Variants in SLC25A21 observed in about 807,000 individuals in gnomAD.
SLC25A21 encodes the protein mitochondrial 2-oxodicarboxylate carrier.
In SLC25A21, 47 loss-of-function variants were observed where a neutral mutation model predicts 43.8. The ratio of observed to expected loss-of-function variants is 1.07; its 90% confidence interval spans 0.85 to 1.37. The LOEUF is 1.37. SLC25A21 is among the 40% of genes most tolerant of loss of function. SLC25A21 has a pLI of 0.00. For synonymous variants in SLC25A21, 131 were observed against 121.3 expected (o/e 1.08, Z -0.52); for missense variants, 352 against 350.2 (o/e 1.00, Z -0.04).
chr14:36,886,103 C>G (rs1219733609), intron 1 of SLC25A21, among the ~76,000 whole-genome samples: 1 of 152,172 alleles, frequency 6.6e-6, no homozygotes, highest in Non-Finnish European at 1.5e-5. Flanking sequence ...ACAGACAGAA[C>G]TGATATATTT....
chr14:37,155,747 G>C (rs7142924), intron 1 of SLC25A21, among the ~76,000 whole-genome samples: 58,532 of 152,000 alleles, frequency 0.39, 12,262 homozygotes, highest in African/African-American at 0.56. Context: ...GAGAAATAAA[G>C]GCATTCCCAG....
chr14:36,951,235 C>CAAA (rs34543759), intron 1 of SLC25A21, among the ~76,000 whole-genome samples: 1 of 131,690 alleles, frequency 7.6e-6, no homozygotes, highest in Non-Finnish European at 1.6e-5. Flanking sequence ...ACTGCCATTA[C>CAAA]AAAAAAAAAA....
At chr14:36,794,503 C>T (rs1392947604) in intron 3 of SLC25A21, among the ~76,000 whole-genome samples, 1 of 152,150 alleles carries the variant, frequency 6.6e-6, no homozygotes. Context: ...AGTGGTGGCT[C>T]ATGCCTGTAA....
chr14:37,126,496 T>C (rs749890711), intron 1 of SLC25A21, among the ~76,000 whole-genome samples: 8 of 151,746 alleles, frequency 5.3e-5, no homozygotes, highest in Non-Finnish European at 7.4e-5. Context: ...TAGATAAACA[T>C]TGCAACTGTA....
chr14:36,914,556 A>C (rs910579819), intron 1 of SLC25A21, among the ~76,000 whole-genome samples: 5 of 152,184 alleles, frequency 3.3e-5, no homozygotes, highest in Admixed American at 2.6e-4. Context: ...TTTAAGACCA[A>C]CTTCTGTGTT....
chr14:37,009,995 G>A lies in SLC25A21; in HGVS notation c.71-134991C>T, dbSNP rs187270129. ...TATGCAAGTGTGTGAACAGAATGGT[G>A]GGAAGAACGTTTAGAGTCAGAATAT... On this transcript the variant is annotated intron_variant, in intron 1 of 9. Coordinates refer to ENST00000331299, the MANE Select transcript of SLC25A21 (RefSeq NM_030631.4). Among the ~76,000 whole-genome samples the A allele has an allele frequency of 7.0e-4, 106 of 152,278 alleles. 1 individual carries two copies. Among genetic ancestry groups the A allele is most frequent in the South Asian group, 1.7e-3 (8 of 4,820 alleles).
intron 1 of SLC25A21, among the ~76,000 whole-genome samples, chr14:37,019,064 A>G (rs1158570510): frequency 6.6e-6 from 1 of 151,906 alleles, no homozygotes; most frequent in Non-Finnish European, 1.5e-5. Context: ...TTCTCCACAC[A>G]GCATCAACAA....
At chr14:36,886,980 A>T (rs1890935195) in intron 1 of SLC25A21, among the ~76,000 whole-genome samples, 1 of 152,130 alleles carries the variant, frequency 6.6e-6, no homozygotes, top group African/African-American at 2.4e-5. Flanking sequence ...ATGCAACGAG[A>T]AACACCAGGG....
chr14:37,093,870 G>A (rs1962636497), intron 1 of SLC25A21, among the ~76,000 whole-genome samples: 1 of 152,206 alleles, frequency 6.6e-6, no homozygotes, highest in Non-Finnish European at 1.5e-5. Context: ...GAGAGATCTG[G>A]CCATTTGCTA....
chr14:36,987,065 C>T (rs989903224), intron 1 of SLC25A21, among the ~76,000 whole-genome samples: 2 of 152,080 alleles, frequency 1.3e-5, no homozygotes, highest in Non-Finnish European at 2.9e-5. Context: ...AATTATTGGC[C>T]AGCACTCTGA....
chr14:36,802,511 A>G (rs1887901883), intron 3 of SLC25A21, among the ~76,000 whole-genome samples: 2 of 152,220 alleles, frequency 1.3e-5, no homozygotes, highest in Admixed American at 6.5e-5. Context: ...TATTGTCTCC[A>G]TATTACAAAT....
At chr14:36,702,918 C>T (rs1030055263) in intron 7 of SLC25A21, among the ~76,000 whole-genome samples, 3 of 152,182 alleles carry the variant, frequency 2.0e-5, no homozygotes, top group Non-Finnish European at 4.4e-5. Context: ...CTCTCCCATA[C>T]CCCCTCCCCG....
At chr14:36,690,669 T>C (rs1594491037) in intron 7 of SLC25A21, among the ~76,000 whole-genome samples, 1 of 152,188 alleles carries the variant, frequency 6.6e-6, no homozygotes, top group South Asian at 2.1e-4. Context: ...GCAGCTATTC[T>C]AGTTCAATGT....
chr14:36,736,828 A>C (rs1055400691), intron 3 of SLC25A21, among the ~76,000 whole-genome samples: 1 of 152,226 alleles, frequency 6.6e-6, no homozygotes, highest in Non-Finnish European at 1.5e-5. Flanking sequence ...AAGACATTAC[A>C]CTTTTCTCTT....
intron 1 of SLC25A21, among the ~76,000 whole-genome samples, chr14:37,089,646 AG>A (rs1288426239): frequency 6.6e-6 from 1 of 152,190 alleles, no homozygotes; most frequent in African/African-American, 2.4e-5. Flanking sequence ...TTAGAGAGTA[AG>A]GCCACGGATC....
At chr14:37,020,451 T>TC (rs1960960783) in intron 1 of SLC25A21, among the ~76,000 whole-genome samples, 2 of 151,912 alleles carry the variant, frequency 1.3e-5, no homozygotes, top group African/African-American at 2.4e-5. Flanking sequence ...AGTCACTTTT[T>TC]TTTTTTCAAA....
At chr14:36,908,568 A>G (rs1891595810) in intron 1 of SLC25A21, among the ~76,000 whole-genome samples, 1 of 152,212 alleles carries the variant, frequency 6.6e-6, no homozygotes, top group African/African-American at 2.4e-5. Flanking sequence ...TTTCCATCCT[A>G]TCCAATATGG....
chr14:36,824,802 T>TAAAAAAAA lies in SLC25A21; in HGVS notation c.120-10809_120-10802dup, dbSNP rs11386652. On this transcript the variant is annotated intron_variant, in intron 2 of 9. Coordinates refer to ENST00000331299, the MANE Select transcript of SLC25A21 (RefSeq NM_030631.4). Reference sequence around the variant, plus strand: ...ACAGTGAAGTTTATCTCTGGAATCCTAAAAAAAAAAAAAAAAAAAAAGCCC... The same window carrying TAAAAAAAA: ...ACAGTGAAGTTTATCTCTGGAATCCTAAAAAAAAAAAAAAAAAAAAAAAAAAAAAGCCC... Among the ~76,000 whole-genome samples the TAAAAAAAA allele has an allele frequency of 2.0e-5, 2 of 99,588 alleles. 1 individual carries two copies. The highest frequency in any genetic ancestry group is 3.7e-5 in the Non-Finnish European group (2 of 53,954). The allele number at this position is 99,588 out of a possible 152,430, so 65.3% of individuals were successfully genotyped here. A position where few individuals can be genotyped will look rare whatever the true frequency, so the allele number is the denominator to read the frequency against.
chr14:36,887,768 T>C (rs1890963580), intron 1 of SLC25A21, among the ~76,000 whole-genome samples: 1 of 152,156 alleles, frequency 6.6e-6, no homozygotes, highest in Non-Finnish European at 1.5e-5. Flanking sequence ...TACCTCTCTA[T>C]CAACCAGAAA....
Sources: allele counts gnomAD v4.1 joint callset (sites outside exome capture counted in the v4.1 genomes callset), GRCh38; gene constraint gnomAD v4.1.1; transcripts MANE v1.5; gene names NCBI Gene and HGNC (gene_info 2026-07-23, HGNC 2026-07-21).